PAN3: variants seen among roughly 807,000 people sequenced by gnomAD.
PAN3 encodes the protein poly(A) specific ribonuclease subunit PAN3, also known as PAN2-PAN3 deadenylation complex subunit PAN3.
In PAN3, 19 loss-of-function variants were observed where a neutral mutation model predicts 96.2. The ratio of observed to expected loss-of-function variants is 0.20; its 90% CI spans 0.14 to 0.29. The LOEUF is 0.29. PAN3 is among the 10% of genes least tolerant of loss of function. The probability of loss-of-function intolerance (pLI) is 1.00; values close to 1 mark genes in which losing one functional copy is unlikely to be tolerated. For missense variants in PAN3, 882 were observed against 1,108.1 expected (o/e 0.80, Z 2.90); for synonymous variants, 433 against 406.6 (o/e 1.06, Z -0.78).
Position 28,292,672 on chromosome 13 carries a change from C to T in PAN3, c.*150C>T, listed in dbSNP as rs370113588. ...TGCACTTCAGTCAGGTACACTGTTA[C>T]TTGAAAGGAAGAATGTTTCACTTAC... On this transcript the variant is annotated 3_prime_UTR_variant, in exon 19 of 19. Transcript: ENST00000380958. 2 of 610,522 alleles carry T rather than the reference C, an allele frequency of 3.3e-6. No individual in the cohort carries two copies. The highest frequency in any genetic ancestry group is 4.0e-5 in the Admixed American group (1 of 24,800). The allele number at this position is 610,522 out of a possible 1,614,324, so 37.8% of individuals were successfully genotyped here. A position where few individuals can be genotyped will look rare whatever the true frequency, so the allele number is the denominator to read the frequency against.
intron 6 of PAN3, among the ~76,000 whole-genome samples, chr13:28,232,840 A>ATTGTT (rs1222526835): frequency 6.6e-6 from 1 of 152,128 alleles, no homozygotes; most frequent in Non-Finnish European, 1.5e-5. Flanking sequence ...TGTTAGGCTA[A>ATTGTT]AATTGTAACC....
chr13:28,220,482 T>C lies in PAN3; in HGVS notation c.1000+104T>C, dbSNP rs376564523. On this transcript the variant is annotated intron_variant, in intron 6 of 18. Coordinates refer to ENST00000380958, the MANE Select transcript of PAN3 (RefSeq NM_175854.8). ...AAATTGTATACTTGAATGATTCACA[T>C]TTGAACATTAAGAGCTTTATGTTCT... 3.1e-5 allele frequency: 41 copies of C among 1,342,114 alleles called. No individual in the cohort carries two copies. The African/African-American group carries it at 5.2e-4, about 17-fold the overall frequency. 83.1% of individuals were successfully genotyped at this position (1,342,114 alleles called of 1,614,324 possible).
intron 5 of PAN3, among the ~76,000 whole-genome samples, chr13:28,211,890 A>G (rs1880078915): frequency 6.6e-6 from 1 of 152,234 alleles, no homozygotes. Flanking sequence ...AGAGTTTCCC[A>G]ACCTTGTATA....
chr13:28,287,983 G>C lies in PAN3; in HGVS notation c.2385-1G>C. On this transcript the variant is annotated splice_acceptor_variant, in intron 17 of 18. Transcript: ENST00000380958. LOFTEE classifies it high-confidence loss of function. Reference sequence around the variant, plus strand: ...TGAGGTAAAATGTTCATTTCCCCCAGGTTTCAGAAGGATCCCACTTGGTCA... The same window carrying C: ...TGAGGTAAAATGTTCATTTCCCCCACGTTTCAGAAGGATCCCACTTGGTCA... 1 of 1,605,796 alleles carries C rather than the reference G, an allele frequency of 6.2e-7. No individual in the cohort carries two copies. Among genetic ancestry groups the C allele is most frequent in the Non-Finnish European group, 8.5e-7 (1 of 1,177,502 alleles).
intron 6 of PAN3, among the ~76,000 whole-genome samples, chr13:28,228,220 T>G (rs1357613476): frequency 6.6e-6 from 1 of 152,226 alleles, no homozygotes; most frequent in Non-Finnish European, 1.5e-5. Flanking sequence ...ATCAGATGGT[T>G]GTAGCCCCTT....
chr13:28,139,513 T>TG (rs1491158893), intron 1 of PAN3, among the ~76,000 whole-genome samples: 79 of 127,988 alleles, frequency 6.2e-4, no homozygotes, highest in Admixed American at 1.1e-3. Context: ...GAGGGGTGTG[T>TG]TTGTGTGTGT....
intron 6 of PAN3, among the ~76,000 whole-genome samples, chr13:28,229,388 A>G (rs568104304): frequency 1.1e-4 from 16 of 152,082 alleles, no homozygotes; most frequent in Non-Finnish European, 2.1e-4. Context: ...ATTTTCCAAA[A>G]TTTTTCCATA....
intron 2 of PAN3, among the ~76,000 whole-genome samples, chr13:28,174,790 T>G (rs539305817): frequency 6.6e-6 from 1 of 152,306 alleles, no homozygotes; most frequent in South Asian, 2.1e-4. Flanking sequence ...CAGTTAACCT[T>G]CCTAGAGTTA....
chr13:28,203,631 A>G (rs1174227120), intron 5 of PAN3, among the ~76,000 whole-genome samples: 79 of 152,012 alleles, frequency 5.2e-4, no homozygotes, highest in Non-Finnish European at 4.4e-5. Context: ...ATTTAAAAAA[A>G]TTAATCATAG....
chr13:28,278,760 A>G (rs1431014490), intron 15 of PAN3, among the ~76,000 whole-genome samples: 2 of 152,146 alleles, frequency 1.3e-5, no homozygotes, highest in African/African-American at 4.8e-5. Context: ...ACTGAGCCAC[A>G]GAGATAAAAT....
intron 5 of PAN3, among the ~76,000 whole-genome samples, chr13:28,219,382 C>T (rs1402829710): frequency 6.6e-6 from 1 of 151,494 alleles, no homozygotes; most frequent in Non-Finnish European, 1.5e-5. Context: ...TTTGGGTTAG[C>T]CTGGTGACTT....
intron 1 of PAN3, among the ~76,000 whole-genome samples, 170 bp from the exon 2 acceptor site, chr13:28,174,102 A>G (rs890649715): frequency 3.3e-5 from 5 of 152,226 alleles, no homozygotes; most frequent in African/African-American, 1.2e-4. Context: ...ACTGTTTAAC[A>G]TATTTCTGGA....
rs759210994 is a variant in PAN3, at chr13:28,292,436, G to C, written c.2578G>C (p.Val860Leu). 19 of 1,612,048 alleles carry C rather than the reference G, an allele frequency of 1.2e-5. No individual in the cohort carries two copies. Among genetic ancestry groups the C allele is most frequent in the Non-Finnish European group, 1.4e-5 (16 of 1,179,272 alleles). Residue 860 changes from valine (V) to leucine (L), a missense_variant, in exon 19 of 19, where the codon GTA (valine) becomes CTA (leucine). Around this residue, in one of 3 missense-constraint regions of PAN3, gnomAD observed 76 missense variants for 171.7 expected, o/e 0.44. Coordinates refer to ENST00000380958, the MANE Select transcript of PAN3 (RefSeq NM_175854.8). ...CCTGATTTCCAGAGATGAGAAGAGT[G>C]TACTTGTGGTGACCTACAGTGACTT... ...ISLISRDEKS[V>L]LVVTYSDLKR...
chr13:28,257,700 T>TATATATATTATATATAATAA (rs1885269940), intron 7 of PAN3, among the ~76,000 whole-genome samples: 1 of 137,658 alleles, frequency 7.3e-6, no homozygotes, highest in South Asian at 2.1e-4. Context: ...AAATATATAT[T>TATATATATTATATATAATAA]ATATATATTA....
chr13:28,257,650 CATATAT>C (rs1885252611), intron 7 of PAN3, among the ~76,000 whole-genome samples: 1 of 135,576 alleles, frequency 7.4e-6, no homozygotes, highest in South Asian at 2.3e-4. Flanking sequence ...TTGTAAAATA[CATATAT>C]ATTTTATATA....
chr13:28,166,545 C>T (rs1873566393), intron 1 of PAN3, among the ~76,000 whole-genome samples: 1 of 152,164 alleles, frequency 6.6e-6, no homozygotes, highest in East Asian at 1.9e-4. Flanking sequence ...CTGGTGGCTG[C>T]ACAGTTCTGA....
chr13:28,282,890 T>TTATG (rs970083348), intron 17 of PAN3, among the ~76,000 whole-genome samples: 2 of 152,120 alleles, frequency 1.3e-5, no homozygotes, highest in Non-Finnish European at 2.9e-5. Flanking sequence ...GTTTATTTAT[T>TTATG]TATTTATTTA....
intron 4 of PAN3, among the ~76,000 whole-genome samples, chr13:28,182,422 A>G (rs190156683): frequency 7.2e-5 from 11 of 151,926 alleles, no homozygotes; most frequent in African/African-American, 2.7e-4. Flanking sequence ...CCCATCGTTT[A>G]TATTTCTTTG....
At chr13:28,201,040 T>C (rs1165908316) in intron 5 of PAN3, among the ~76,000 whole-genome samples, 8 of 151,292 alleles carry the variant, frequency 5.3e-5, no homozygotes, top group African/African-American at 1.9e-4. Flanking sequence ...TCTCTCTCTC[T>C]CTTTTTTTTT....
Sources: gnomAD v4.1 joint callset for allele counts (sites outside exome capture counted in the v4.1 genomes callset) on GRCh38, gnomAD v4.1.1 for gene constraint, gnomAD v4.1.1 regional missense constraint, MANE v1.5 for transcripts, NCBI Gene and HGNC (gene_info 2026-07-23, HGNC 2026-07-21) for gene names.